Variants in PXYLP1 observed in about 807,000 individuals in gnomAD.
PXYLP1 encodes the protein 2-phosphoxylose phosphatase 1.
A neutral mutation model predicts 37.9 loss-of-function variants in PXYLP1; 17 were observed. The ratio of observed to expected loss-of-function variants is 0.45; its 90% CI spans 0.31 to 0.67. The LOEUF (loss-of-function observed/expected upper bound fraction) is 0.67. PXYLP1 is among the 30% of genes least tolerant of loss of function. The pLI, the probability that PXYLP1 is intolerant of heterozygous loss-of-function variation, is 0.07. For missense variants in PXYLP1, 511 were observed against 612.0 expected, an observed-to-expected ratio of 0.84 and a Z score of 1.74; for synonymous variants, 221 against 232.2, an observed-to-expected ratio of 0.95 and a Z score of 0.44.
chr3:141,286,102 TTA>T (rs1391804059), intron 4 of PXYLP1, among the ~76,000 whole-genome samples: 2 of 152,212 alleles, frequency 1.3e-5, no homozygotes, highest in Non-Finnish European at 2.9e-5. Context: ...ATGCTGATTC[TTA>T]TAGAGTTTAG....
intron 4 of PXYLP1, among the ~76,000 whole-genome samples, chr3:141,285,346 T>C (rs527512805): frequency 2.0e-4 from 30 of 151,742 alleles, no homozygotes; most frequent in Admixed American, 1.1e-3. Flanking sequence ...ATGGTCTCAC[T>C]ATGTTGGCCA....
chr3:141,264,936 G>A (rs917307490), intron 2 of PXYLP1, among the ~76,000 whole-genome samples: 2 of 152,240 alleles, frequency 1.3e-5, no homozygotes, highest in Admixed American at 6.5e-5. Flanking sequence ...ATGAATTAGA[G>A]ATCATTTATG....
chr3:141,246,764 A>G (rs1487492383), intron 1 of PXYLP1, among the ~76,000 whole-genome samples: 3 of 152,362 alleles, frequency 2.0e-5, no homozygotes, highest in East Asian at 3.9e-4. Context: ...GTTGCCACAT[A>G]GTAAATCATT....
rs1417044818 is a variant in PXYLP1, at chr3:141,292,663, C to T, written c.901C>T (p.His301Tyr). 5.6e-6 allele frequency: 9 copies of T among 1,613,380 alleles called. No individual in the cohort carries two copies. The highest frequency in any genetic ancestry group is 1.6e-4 in the Middle Eastern group (1 of 6,062). The change falls in exon 6 of 6, where the codon CAC becomes TAC. Residue 301 changes from histidine to tyrosine, a missense_variant. His to Tyr is a moderately conservative substitution (Grantham distance 83). Coordinates refer to ENST00000286353, the MANE Select transcript of PXYLP1 (RefSeq NM_001037172.3). This position sits in a 1 kb window ranked among gnomAD's most constrained non-coding sequence, Gnocchi z 4.3. Reference sequence around the variant, plus strand: ...CAACCCCATAGACTCCATGCTCTGCCACTTCTGCCACAATGTCAGCTTTCC... The same window carrying T: ...CAACCCCATAGACTCCATGCTCTGCTACTTCTGCCACAATGTCAGCTTTCC... The part of the protein sequence containing the change: ...AANPIDSMLC[H>Y]FCHNVSFPCT...
rs996255283 is a variant in PXYLP1 at position 141,292,688 on chromosome 3, C to T, written c.926C>T (p.Pro309Leu). The change falls in exon 6 of 6, where the codon CCC becomes CTC. Residue 309 changes from proline (P) to leucine (L), a missense_variant. Coordinates refer to ENST00000286353, the MANE Select transcript of PXYLP1 (RefSeq NM_001037172.3). The surrounding 1 kb of genome is among the most constrained non-coding windows in gnomAD (Gnocchi z 4.3). ...LCHFCHNVSFPCTRNGCVDME... is the reference protein window; with the variant it reads ...LCHFCHNVSFLCTRNGCVDME... ...CACTTCTGCCACAATGTCAGCTTTC[C>T]CTGTACCAGAAATGGCTGTGTTGAC... 1 of 1,614,000 alleles carries T rather than the reference C, an allele frequency of 6.2e-7. No individual in the cohort carries two copies.
chr3:141,280,340 C>T (rs1263786300), intron 4 of PXYLP1, among the ~76,000 whole-genome samples: 1 of 152,234 alleles, frequency 6.6e-6, no homozygotes, highest in African/African-American at 2.4e-5. Flanking sequence ...TTAAAAGTGA[C>T]ACTTTGTAGC....
intron 1 of PXYLP1, among the ~76,000 whole-genome samples, chr3:141,257,333 G>A (rs1264467976): frequency 1.5e-4 from 23 of 152,198 alleles, no homozygotes; most frequent in Non-Finnish European, 2.9e-5. Flanking sequence ...TGTTGGAAAA[G>A]TAGTAAAGGA....
chr3:141,281,629 G>A (rs895233245), intron 4 of PXYLP1, among the ~76,000 whole-genome samples: 3 of 152,222 alleles, frequency 2.0e-5, no homozygotes, highest in Admixed American at 1.3e-4. Context: ...AGCCAGAAGA[G>A]GGGCAGCCTG....
chr3:141,243,405 C>T (rs1032961005), intron 1 of PXYLP1, among the ~76,000 whole-genome samples: 6 of 152,192 alleles, frequency 3.9e-5, no homozygotes, highest in Non-Finnish European at 5.9e-5. Context: ...CCTACTCCTA[C>T]GGGAACCCAG....
intron 1 of PXYLP1, 128 bp from the exon 2 acceptor site, chr3:141,259,995 T>C: frequency 3.1e-6 from 2 of 650,104 alleles, no homozygotes; most frequent in Non-Finnish European, 5.3e-6. Flanking sequence ...CAGCTAGAGA[T>C]GCATGCTTCC....
chr3:141,292,605 C>T lies in PXYLP1; in HGVS notation c.843C>T (p.Ile281=), dbSNP rs183205895. Residue 281 remains isoleucine (I), a synonymous_variant, in exon 6 of 6, where the codon ATC becomes ATT. Coordinates refer to ENST00000286353, the MANE Select transcript of PXYLP1 (RefSeq NM_001037172.3). The surrounding 1 kb of genome is among the most constrained non-coding windows in gnomAD (Gnocchi z 4.3). ...AGACCTACGGGGAGATGGCCAAGAT[C>T]GTGGATGTCCCCACCAAGCAGCTTA... ...LEKTYGEMAK[I]VDVPTKQLRA... 9 of 1,613,954 alleles carry T rather than the reference C, an allele frequency of 5.6e-6. No individual in the cohort carries two copies. The highest frequency in any genetic ancestry group is 4.5e-5 in the East Asian group (2 of 44,874).
intron 1 of PXYLP1, among the ~76,000 whole-genome samples, chr3:141,243,206 C>A (rs188548644): frequency 1.3e-5 from 2 of 152,266 alleles, no homozygotes. Flanking sequence ...TTGGAAAAAC[C>A]CACCAGTTGT....
intron 1 of PXYLP1, chr3:141,234,432 C>T (rs1029019248): frequency 6.6e-6 from 1 of 152,328 alleles, no homozygotes; most frequent in Non-Finnish European, 1.5e-5. Flanking sequence ...TTTAACATTT[C>T]CTATCCCTGC....
chr3:141,245,538 G>T (rs565530555), intron 1 of PXYLP1, among the ~76,000 whole-genome samples: 2 of 152,296 alleles, frequency 1.3e-5, no homozygotes, highest in South Asian at 2.1e-4. Context: ...AAGCTCAGTT[G>T]TTCAGGGTTG....
intron 2 of PXYLP1, chr3:141,274,541 G>A (rs1021391941): frequency 1.2e-5 from 16 of 1,342,546 alleles, no homozygotes; most frequent in African/African-American, 2.9e-5. Flanking sequence ...AGACTGGTTC[G>A]GCAACCCTCA....
chr3:141,239,168 C>T (rs894228249), intron 1 of PXYLP1, among the ~76,000 whole-genome samples: 16 of 152,082 alleles, frequency 1.1e-4, no homozygotes, highest in African/African-American at 3.9e-4. Flanking sequence ...GGGGGAAAAC[C>T]CTTTCTCTGT....
intron 1 of PXYLP1, among the ~76,000 whole-genome samples, chr3:141,255,574 A>C (rs937886216): frequency 2.6e-5 from 4 of 152,236 alleles, no homozygotes; most frequent in African/African-American, 9.6e-5. Flanking sequence ...ACTGTGAGCA[A>C]GCAGGCTGTG....
At chr3:141,234,569 T>C (rs1217397175) in intron 1 of PXYLP1, among the ~76,000 whole-genome samples, 2 of 152,210 alleles carry the variant, frequency 1.3e-5, no homozygotes, top group South Asian at 2.1e-4. Context: ...TGCCTCTTCT[T>C]GCACATTTCT....
chr3:141,268,431 T>C (rs983485867), intron 2 of PXYLP1, among the ~76,000 whole-genome samples: 2 of 151,844 alleles, frequency 1.3e-5, no homozygotes, highest in African/African-American at 4.8e-5. Context: ...CCAGCTGGAG[T>C]CTGGCAGGCA....
Sources: allele counts gnomAD v4.1 joint callset (sites outside exome capture counted in the v4.1 genomes callset), GRCh38; gene constraint gnomAD v4.1.1; non-coding constraint Gnocchi (gnomAD v3.1); transcripts MANE v1.5; gene names NCBI Gene and HGNC (gene_info 2026-07-23, HGNC 2026-07-21).